Variants in FN3K observed in about 807,000 individuals in gnomAD.
The protein encoded by FN3K is fructosamine-3-kinase.
Under a neutral mutation model 24.8 loss-of-function variants are expected in FN3K, and 24 were observed. That is an observed-to-expected ratio of 0.97 (90% CI 0.70 to 1.36). The LOEUF (loss-of-function observed/expected upper bound fraction) is 1.36. Ranked by LOEUF, FN3K falls within the 40% of genes most tolerant of loss-of-function variation. FN3K has a pLI of 0.00. For synonymous variants in FN3K, 192 were observed against 175.2 expected, an observed-to-expected ratio of 1.10 and a Z score of -0.76; for missense variants, 449 against 416.7, an observed-to-expected ratio of 1.08 and a Z score of -0.67.
rs775680034 is a variant in FN3K at position 82,750,756 on chromosome 17, C to T, written c.*1C>T. ...CACCATGCGAAGGCTGCTCAAGTAG[C>T]GGCCCCTGCCCTCCCTTCCCCTGTC... On this transcript the variant is annotated 3_prime_UTR_variant, in exon 6 of 6. Coordinates refer to ENST00000300784, the MANE Select transcript of FN3K (RefSeq NM_022158.4). 7.5e-6 allele frequency: 12 copies of T among 1,610,016 alleles called. No homozygotes were observed. The highest frequency in any genetic ancestry group is 1.0e-5 in the Non-Finnish European group (12 of 1,179,138).
At chr17:82,744,675 C>T (rs986349429) in intron 4 of FN3K, among the ~76,000 whole-genome samples, 5 of 152,218 alleles carry the variant, frequency 3.3e-5, no homozygotes, top group Non-Finnish European at 7.4e-5. Context: ...TGGAGGATCC[C>T]GCCAGCCTCT....
intron 5 of FN3K, chr17:82,749,206 C>G (rs1377051090): frequency 6.4e-6 from 4 of 622,166 alleles, no homozygotes; most frequent in Non-Finnish European, 1.2e-5. Flanking sequence ...GCTAGGTCAC[C>G]AGGTATTTAG....
At chr17:82,746,859 C>A (rs2046971604) in intron 4 of FN3K, among the ~76,000 whole-genome samples, 1 of 152,002 alleles carries the variant, frequency 6.6e-6, no homozygotes, top group Admixed American at 6.6e-5. Flanking sequence ...GAGTTTCACT[C>A]TGTTGAGCAG....
At position 82,750,179 on chromosome 17, in the gene FN3K, A is replaced by G. The variant is rs553915872; in HGVS notation, c.592-238A>G. ...CCTATTCTGTGGGTCGATTAAAACT[A>G]TAACCTCAGAGGTTCTCCACTGTGT... is the stretch of plus-strand genomic sequence containing the variant. On this transcript the variant is annotated intron_variant, in intron 5 of 5. Transcript: ENST00000300784. 3.9e-5 allele frequency among the ~76,000 whole-genome samples: 6 copies of G among 152,310 alleles called. No homozygotes were observed. In the East Asian group the frequency reaches 7.7e-4, roughly 20 times the overall value.
chr17:82,742,802 T>G (rs879555487), intron 4 of FN3K: 14 of 442,544 alleles, frequency 3.2e-5, no homozygotes, highest in African/African-American at 6.1e-5. Flanking sequence ...AGTCACTGCT[T>G]CTTGAAGAGA....
intron 1 of FN3K, among the ~76,000 whole-genome samples, chr17:82,736,985 T>C (rs1378023483): frequency 6.6e-6 from 1 of 152,084 alleles, no homozygotes; most frequent in Non-Finnish European, 1.5e-5. Context: ...GAGCAGGTGA[T>C]GCTGGGGCCC....
intron 4 of FN3K, among the ~76,000 whole-genome samples, chr17:82,747,525 C>G (rs566307037): frequency 6.6e-6 from 1 of 152,114 alleles, no homozygotes; most frequent in African/African-American, 2.4e-5. Context: ...CTCAGCCTCC[C>G]GAGTAGCTGG....
intron 1 of FN3K, chr17:82,738,167 T>C: frequency 6.1e-6 from 2 of 328,118 alleles, no homozygotes; most frequent in South Asian, 7.5e-5. Flanking sequence ...GGTCCAGCTC[T>C]GGACCTTGGT....
intron 4 of FN3K, 85 bp from the exon 5 acceptor site, chr17:82,748,770 T>C: frequency 1.2e-6 from 2 of 1,601,824 alleles, no homozygotes; most frequent in East Asian, 2.2e-5. Flanking sequence ...TAGGTATCTT[T>C]GCTGGGTTTT....
At chr17:82,746,355 G>A (rs72854324) in intron 4 of FN3K, among the ~76,000 whole-genome samples, 10,281 of 152,030 alleles carry the variant, frequency 0.068, 433 homozygotes, top group Non-Finnish European at 0.099. Context: ...GGTGAACCAT[G>A]TGTTCACTTA....
Sources: allele counts gnomAD v4.1 joint callset (sites outside exome capture counted in the v4.1 genomes callset), GRCh38; gene constraint gnomAD v4.1.1; transcripts MANE v1.5; gene names NCBI Gene and HGNC (gene_info 2026-07-23, HGNC 2026-07-21).